Variants in PPOX observed in about 807,000 individuals in gnomAD.
PPOX encodes variegate porphyria.
In PPOX, 23 loss-of-function variants were observed where a neutral mutation model predicts 54.1. That is an observed-to-expected ratio of 0.43 (90% CI 0.31 to 0.60). PPOX has a LOEUF of 0.60. PPOX is among the 20% of genes least tolerant of loss of function. The pLI, the probability that PPOX is intolerant of heterozygous loss-of-function variation, is 0.13. For missense variants in PPOX, 512 were observed against 601.1 expected (o/e 0.85, Z 1.55); for synonymous variants, 224 against 236.1 (o/e 0.95, Z 0.47).
Position 161,169,922 on chromosome 1 carries a change from C to T in PPOX, c.885C>T (p.Leu295=). The change falls in exon 9 of 13, where the codon CTC becomes CTT. Residue 295 remains leucine, a synonymous_variant. Coordinates refer to ENST00000367999, the MANE Select transcript of PPOX (RefSeq NM_001122764.3). The part of the protein sequence containing the change: ...AIPASVLSEL[L]PAEAAPLARA... ...GATCTCTAGTGCTCAGTGAGCTGCT[C>T]CCTGCTGAGGCTGCCCCTCTGGCTC... The T allele has an allele frequency of 6.2e-6, 10 of 1,614,168 alleles. No individual in the cohort carries two copies. Among genetic ancestry groups the T allele is most frequent in the Middle Eastern group, 1.6e-4 (1 of 6,062 alleles).
chr1:161,170,229 G>A, intron 9 of PPOX, 180 bp from the exon 10 acceptor site: 1 of 837,062 alleles, frequency 1.2e-6, no homozygotes, highest in Non-Finnish European at 1.9e-6. Flanking sequence ...GGAGGCTAAG[G>A]CAGGAGAATC....
At chr1:161,175,006 T>G, downstream of PPOX, 1 of 1,613,598 alleles carries the variant, frequency 6.2e-7, no homozygotes, top group Non-Finnish European at 8.5e-7. Context: ...GTGGATGACA[T>G]AGATGCCATA....
At position 161,168,558 on chromosome 1, in the gene PPOX, G is replaced by A. The variant is rs1422420826; in HGVS notation, c.598G>A (p.Gly200Ser). 1 of 1,614,088 alleles carries A rather than the reference G, an allele frequency of 6.2e-7. No individual in the cohort carries two copies. The change falls in exon 6 of 13, where the codon GGC (glycine) becomes AGC (serine). Residue 200 changes from glycine to serine, a missense_variant. By Grantham distance (56) the Gly-to-Ser change is moderately conservative. Coordinates refer to ENST00000367999, the MANE Select transcript of PPOX (RefSeq NM_001122764.3). ...GCAAACCCATCGTTCCATATTACTG[G>A]GCCTGCTGCTGGGGGCAGGTGAGGG... ...AEQTHRSILL[G>S]LLLGAGRTPQ...
Position 161,169,776 on chromosome 1 carries a change from T to A in PPOX, c.868+56T>A. On this transcript the variant is annotated intron_variant, in intron 8 of 12. Coordinates refer to ENST00000367999, the MANE Select transcript of PPOX (RefSeq NM_001122764.3). ...ACCCCTACCAGTGAGAAGCAAAAGC[T>A]ATACCTTCCTGGGTCAGCAGGACCA... 2.5e-6 allele frequency: 4 copies of A among 1,613,546 alleles called. No homozygotes were observed. The South Asian group carries it at 4.4e-5, about 18-fold the overall frequency.
chr1:161,171,316 A>G (rs1159251702), downstream of PPOX: 3 of 1,384,552 alleles, frequency 2.2e-6, no homozygotes, highest in Non-Finnish European at 3.0e-6. Context: ...CAGATGCGAG[A>G]CAAAGTCCTT....
rs762223031 is a variant in PPOX, at chr1:161,169,002, C to G, written c.626C>G (p.Pro209Arg). The G allele has an allele frequency of 1.9e-6, 3 of 1,613,930 alleles. No individual in the cohort carries two copies. The highest frequency in any genetic ancestry group is 2.5e-6 in the Non-Finnish European group (3 of 1,180,044). ...TTTGCTTCCTCTGCAGGGCGGACCC[C>G]ACAGCCAGACTCAGCACTCATTCGC... ...LGLLLGAGRTPQPDSALIRQA... is the reference protein window; with the variant it reads ...LGLLLGAGRTRQPDSALIRQA... Residue 209 changes from proline to arginine, a missense_variant, in exon 7 of 13, where the codon CCA becomes CGA. Coordinates refer to ENST00000367999, the MANE Select transcript of PPOX (RefSeq NM_001122764.3).
chr1:161,174,727 A>G (rs1662842813), downstream of PPOX, among the ~76,000 whole-genome samples: 2 of 152,194 alleles, frequency 1.3e-5, no homozygotes, highest in African/African-American at 2.4e-5. Flanking sequence ...TTTTAGCCCT[A>G]TTGTGTCCAA....
chr1:161,174,958 A>G, downstream of PPOX: 1 of 1,599,736 alleles, frequency 6.3e-7, no homozygotes, highest in Non-Finnish European at 8.6e-7. Flanking sequence ...TCCTTAGAAG[A>G]AAGTCAGTCA....
Position 161,167,156 on chromosome 1 carries a change from C to T in PPOX, c.144C>T (p.Gly48=). The T allele has an allele frequency of 6.2e-7, 1 of 1,614,170 alleles. No homozygotes were observed. The highest frequency in any genetic ancestry group is 1.1e-5 in the South Asian group (1 of 91,084). Residue 48 remains glycine, a synonymous_variant, in exon 3 of 13, where the codon GGC becomes GGT. Coordinates refer to ENST00000367999, the MANE Select transcript of PPOX (RefSeq NM_001122764.3). ...RLGGWIRSVR[G]PNGAIFELGP... is the part of the protein sequence containing the mutation. ...GAGGCTGGATTCGCTCCGTTCGAGG[C>T]CCTAATGGTGCTATCTTTGAGCTTG...
rs541211569 is a variant in PPOX at position 161,169,281 on chromosome 1, T to A, written c.807+98T>A. On this transcript the variant is annotated intron_variant, in intron 7 of 12. Transcript: ENST00000367999. ...GGCCGATAGGACTGGAGTTCCTCAT[T>A]GTTTTTGTGCCTTAGAAGCTACTTA... The A allele has an allele frequency of 2.4e-5, 34 of 1,423,098 alleles. 1 individual carries two copies. In the South Asian group the frequency reaches 3.9e-4, roughly 16 times the overall value. 88.2% of individuals were successfully genotyped at this position (1,423,098 alleles called of 1,614,324 possible).
intron 11 of PPOX, 40 bp downstream of exon 11, chr1:161,170,809 C>T: frequency 6.2e-7 from 1 of 1,613,980 alleles, no homozygotes; most frequent in Non-Finnish European, 8.5e-7. Flanking sequence ...CCACTGAAGG[C>T]CTTGAAGACA....
At position 161,168,038 on chromosome 1, in the gene PPOX, T is replaced by C; in HGVS notation, c.382T>C (p.Trp128Arg). 1 of 1,614,150 alleles carries C rather than the reference T, an allele frequency of 6.2e-7. No homozygotes were observed. ...ACCCCCCTTCTCCAAACCTCTGTTTTGGGCTGGGCTGAGGGAGCTGACCAA... is the reference window on the plus strand; with the variant it reads ...ACCCCCCTTCTCCAAACCTCTGTTTCGGGCTGGGCTGAGGGAGCTGACCAA... Reference protein sequence around the residue: ...PSPPFSKPLFWAGLRELTKPR... With the variant: ...PSPPFSKPLFRAGLRELTKPR... The change falls in exon 5 of 13, where the codon TGG becomes CGG. Residue 128 changes from tryptophan to arginine, a missense_variant. Trp to Arg is a moderately radical substitution (Grantham distance 101, BLOSUM62 -3). Coordinates refer to ENST00000367999, the MANE Select transcript of PPOX (RefSeq NM_001122764.3).
exon 5 of PPOX, chr1:161,177,018 G>A: frequency 1.3e-6 from 2 of 1,536,030 alleles, no homozygotes; most frequent in Non-Finnish European, 1.7e-6. Flanking sequence ...GAACAGCCCC[G>A]GAGCTCGGCG....
downstream of PPOX, chr1:161,171,838 G>A (rs1388885353): frequency 1.6e-5 from 26 of 1,614,034 alleles, no homozygotes; most frequent in Non-Finnish European, 1.9e-5. Context: ...TCGGAGGGCT[G>A]TGTGGTTGGC....
At chr1:161,169,268 T>C in intron 7 of PPOX, 85 bp downstream of exon 7, 1 of 1,489,366 alleles carries the variant, frequency 6.7e-7, no homozygotes, top group South Asian at 1.2e-5. Context: ...CCGATAGGAC[T>C]GGAGTTCCTC....
At chr1:161,172,960 A>G (rs540405780), downstream of PPOX, among the ~76,000 whole-genome samples, 24 of 152,308 alleles carry the variant, frequency 1.6e-4, no homozygotes, top group South Asian at 4.6e-3. Flanking sequence ...TCTGACACAC[A>G]GAAGCATGGA....
intron 10 of PPOX, 27 bp from the exon 11 acceptor site, chr1:161,170,593 C>A: frequency 6.2e-7 from 1 of 1,614,226 alleles, no homozygotes; most frequent in South Asian, 1.1e-5. Flanking sequence ...CAAGGCCAGA[C>A]TGATCAGTGC....
chr1:161,171,215 C>T lies in PPOX; in HGVS notation c.*39C>T, dbSNP rs1474033810. 4 of 1,612,242 alleles carry T rather than the reference C, an allele frequency of 2.5e-6. No individual in the cohort carries two copies. In the African/African-American group the frequency reaches 5.3e-5, roughly 22 times the overall value. On this transcript the variant is annotated 3_prime_UTR_variant, in exon 13 of 13. Coordinates refer to ENST00000367999, the MANE Select transcript of PPOX (RefSeq NM_001122764.3). ...TTCATGAAAATAAAAATTGCTGGAG[C>T]TTGGCTTGGTCTGGCTGTTCTATCA...
chr1:161,174,925 T>C, downstream of PPOX: 1 of 1,505,668 alleles, frequency 6.6e-7, no homozygotes, highest in South Asian at 1.1e-5. Flanking sequence ...TAGATGAAAG[T>C]GAAGTGGCAT....
Sources: gnomAD v4.1 joint callset for allele counts (sites outside exome capture counted in the v4.1 genomes callset) on GRCh38, gnomAD v4.1.1 for gene constraint, MANE v1.5 for transcripts, NCBI Gene and HGNC (gene_info 2026-07-23, HGNC 2026-07-21) for gene names.